The following CDH12 variants were observed in gnomAD, a reference collection of about 807,000 sequenced individuals.
CDH12 encodes cadherin-12.
CDH12 carries 41 observed loss-of-function variants against 74.1 expected under a neutral mutation model. The observed-to-expected ratio is 0.55, with a 90% CI of 0.43 to 0.72. The LOEUF is 0.72. Ranked by LOEUF, CDH12 falls within the 30% of genes least tolerant of loss-of-function variation. CDH12 has a pLI of 0.00. For missense variants in CDH12, 945 were observed against 977.2 expected, an observed-to-expected ratio of 0.97 and a Z score of 0.44; for synonymous variants, 399 against 355.0, an observed-to-expected ratio of 1.12 and a Z score of -1.39.
chr5:22,307,882 T>TTG (rs1474407661), intron 3 of CDH12, among the ~76,000 whole-genome samples: 2 of 116,552 alleles, frequency 1.7e-5, no homozygotes, highest in African/African-American at 6.5e-5. Context: ...AGTTTTTTTT[T>TTG]TTTTTTTTTT....
At chr5:22,105,176 C>G (rs1744356908) in intron 4 of CDH12, among the ~76,000 whole-genome samples, 1 of 152,024 alleles carries the variant, frequency 6.6e-6, no homozygotes, top group African/African-American at 2.4e-5. Flanking sequence ...ACTACAACCT[C>G]CAATTCCCTG....
chr5:22,740,601 ATGAG>A (rs1255830762), intron 1 of CDH12, among the ~76,000 whole-genome samples: 1 of 152,114 alleles, frequency 6.6e-6, no homozygotes, highest in Non-Finnish European at 1.5e-5. Context: ...ATAAATTATT[ATGAG>A]TATTTTTAGG....
chr5:22,397,876 G>A (rs1277907292), intron 3 of CDH12, among the ~76,000 whole-genome samples: 2 of 151,996 alleles, frequency 1.3e-5, no homozygotes, highest in African/African-American at 4.8e-5. Context: ...ATATGCAGGG[G>A]GAAGGCTATT....
In CDH12 at chr5:22,104,030, GTC is replaced by G. The variant is rs576945768; in HGVS notation, c.-186-25170_-186-25169del. Among the ~76,000 whole-genome samples, 772 of 152,268 alleles carry G rather than the reference GTC, an allele frequency of 5.1e-3. 4 individuals carry two copies. The highest frequency in any genetic ancestry group is 0.017 in the African/African-American group (713 of 41,554). On this transcript the variant is annotated intron_variant, in intron 4 of 14. Transcript: ENST00000382254. ...TTCACTGAAATTAAACAAAGCAACA[GTC>G]TCTGGTGAGGCTGCACTTTAGGTGA...
chr5:21,842,114 T>G (rs374514501), intron 8 of CDH12, 47 bp downstream of exon 8: 70 of 1,478,632 alleles, frequency 4.7e-5, no homozygotes, highest in Non-Finnish European at 6.2e-5. Flanking sequence ...CACCATTAAA[T>G]TTTTTTAAAC....
chr5:22,179,953 G>T (rs930665475), intron 4 of CDH12, among the ~76,000 whole-genome samples: 19 of 152,244 alleles, frequency 1.2e-4, no homozygotes, highest in African/African-American at 4.3e-4. Flanking sequence ...GTAAATTCAC[G>T]GTGACTTCAG....
intron 1 of CDH12, among the ~76,000 whole-genome samples, chr5:22,671,691 T>G (rs1740906052): frequency 6.6e-6 from 1 of 152,004 alleles, no homozygotes. Flanking sequence ...TCATTCAGCT[T>G]AGAATCCACT....
At chr5:22,106,330 C>T (rs950410023) in intron 4 of CDH12, among the ~76,000 whole-genome samples, 1 of 152,104 alleles carries the variant, frequency 6.6e-6, no homozygotes, top group Admixed American at 6.6e-5. Flanking sequence ...ATGTTTTTCT[C>T]TAGTACTGTC....
intron 1 of CDH12, among the ~76,000 whole-genome samples, chr5:22,678,049 G>GGT (rs1741300766): frequency 2.6e-5 from 4 of 151,558 alleles, no homozygotes; most frequent in Admixed American, 2.6e-4. Context: ...CCTCATGGGG[G>GGT]GGGGGGTTAG....
intron 3 of CDH12, among the ~76,000 whole-genome samples, chr5:22,346,700 T>C (rs1580547393): frequency 1.3e-5 from 2 of 152,182 alleles, no homozygotes. Flanking sequence ...CATTTCTCGA[T>C]AGTTGAAAGT....
At chr5:22,639,951 C>A (rs942253379) in intron 1 of CDH12, among the ~76,000 whole-genome samples, 2 of 152,100 alleles carry the variant, frequency 1.3e-5, no homozygotes, top group Non-Finnish European at 2.9e-5. Context: ...CAAATAAAAT[C>A]TTTTGTTTCT....
chr5:22,122,395 T>A (rs1561134700), intron 4 of CDH12, among the ~76,000 whole-genome samples: 1 of 152,088 alleles, frequency 6.6e-6, no homozygotes, highest in African/African-American at 2.4e-5. Flanking sequence ...AGAGTGAGAC[T>A]CCATCTCACA....
chr5:21,761,610 A>G (rs1167551815), intron 12 of CDH12, among the ~76,000 whole-genome samples: 1 of 152,092 alleles, frequency 6.6e-6, no homozygotes, highest in Non-Finnish European at 1.5e-5. Context: ...GTGATCTTAC[A>G]CTGATGCTAT....
chr5:22,056,831 T>A (rs1419587746), intron 5 of CDH12, among the ~76,000 whole-genome samples: 2 of 152,170 alleles, frequency 1.3e-5, no homozygotes, highest in Non-Finnish European at 2.9e-5. Context: ...TTTCCTACTT[T>A]ACAGATGAGG....
intron 1 of CDH12, among the ~76,000 whole-genome samples, chr5:22,828,305 G>T (rs535377528): frequency 2.0e-5 from 3 of 152,042 alleles, no homozygotes; most frequent in African/African-American, 7.2e-5. Context: ...GAAAGATATT[G>T]GGGAAATATA....
At chr5:22,200,800 T>C (rs899102794) in intron 4 of CDH12, among the ~76,000 whole-genome samples, 2 of 152,190 alleles carry the variant, frequency 1.3e-5, no homozygotes, top group Admixed American at 6.5e-5. Flanking sequence ...AACTATTCTT[T>C]TTACAAAGCA....
chr5:22,042,703 T>C (rs992205573), intron 5 of CDH12, among the ~76,000 whole-genome samples: 8 of 151,924 alleles, frequency 5.3e-5, no homozygotes, highest in African/African-American at 1.9e-4. Context: ...CCAGGCAGCA[T>C]GGCAAGACTC....
intron 10 of CDH12, among the ~76,000 whole-genome samples, chr5:21,800,555 C>A: frequency 6.6e-6 from 1 of 152,112 alleles, no homozygotes; most frequent in East Asian, 1.9e-4. Context: ...GAGAAGATGA[C>A]CACCTGCTGA....
intron 3 of CDH12, among the ~76,000 whole-genome samples, chr5:22,400,000 A>C (rs753970030): frequency 5.9e-5 from 9 of 152,170 alleles, no homozygotes; most frequent in Non-Finnish European, 1.0e-4. Flanking sequence ...TTCCTGTTTT[A>C]TTAAATAATT....
Sources: allele counts gnomAD v4.1 joint callset (sites outside exome capture counted in the v4.1 genomes callset), GRCh38; gene constraint gnomAD v4.1.1; transcripts MANE v1.5; gene names NCBI Gene and HGNC (gene_info 2026-07-23, HGNC 2026-07-21).